The following ADCK1 variants were observed in gnomAD, a reference collection of about 807,000 sequenced individuals.
ADCK1 encodes aarF domain containing kinase 1, also known as aarF domain-containing protein kinase 1.
ADCK1 carries 41 observed loss-of-function variants against 52.3 expected under a neutral mutation model. That is an observed-to-expected ratio of 0.78 (90% CI 0.61 to 1.02). The LOEUF (loss-of-function observed/expected upper bound fraction) is 1.02, where lower values mean the gene tolerates loss of function less well. ADCK1 is among the 50% of genes least tolerant of loss of function. ADCK1 has a pLI of 0.00. For missense variants in ADCK1, 658 were observed against 679.5 expected (o/e 0.97, Z 0.35); for synonymous variants, 250 against 274.6 (o/e 0.91, Z 0.89).
chr14:77,855,538 T>G (rs2082400047), intron 3 of ADCK1, among the ~76,000 whole-genome samples: 1 of 152,240 alleles, frequency 6.6e-6, no homozygotes, highest in Non-Finnish European at 1.5e-5. Flanking sequence ...TCTGTTAATA[T>G]GTTTACAAAC....
chr14:77,900,505 T>G, intron 6 of ADCK1: 2 of 433,240 alleles, frequency 4.6e-6, no homozygotes, highest in Non-Finnish European at 9.2e-6. Context: ...GAGAATCGCT[T>G]GGACCCAGGA....
chr14:77,887,009 C>T (rs2083169418), intron 4 of ADCK1, 82 bp from the exon 5 acceptor site: 3 of 1,450,876 alleles, frequency 2.1e-6, no homozygotes, highest in Admixed American at 4.7e-5. Flanking sequence ...CTAGGCAGCC[C>T]TGACTCTGGC....
intron 7 of ADCK1, among the ~76,000 whole-genome samples, chr14:77,913,989 C>T (rs928787323): frequency 1.3e-5 from 2 of 152,180 alleles, no homozygotes; most frequent in Non-Finnish European, 2.9e-5. Flanking sequence ...CAGTCTCCAT[C>T]TTCTGTCAGG....
At chr14:77,843,548 G>A (rs1006506417) in intron 3 of ADCK1, among the ~76,000 whole-genome samples, 4 of 152,164 alleles carry the variant, frequency 2.6e-5, no homozygotes, top group Non-Finnish European at 5.9e-5. Context: ...CATGTCCTGG[G>A]CTCCTGTGGG....
Position 77,838,732 on chromosome 14 carries a change from AC to A in ADCK1, c.219+16219del, listed in dbSNP as rs1168944173. Among the ~76,000 whole-genome samples the A allele has an allele frequency of 1.7e-4, 26 of 151,470 alleles. 1 individual carries two copies. Among genetic ancestry groups the A allele is most frequent in the Admixed American group, 8.6e-4 (13 of 15,176 alleles). On this transcript the variant is annotated intron_variant, in intron 3 of 10. Transcript: ENST00000238561. The stretch of plus-strand genomic sequence containing the variant: ...TTTTTTGCTTATGGAAAAGATCTTT[AC>A]CCCCTAACCCCCAACATGTTATGGG...
At chr14:77,856,547 G>A (rs1351709707) in intron 3 of ADCK1, among the ~76,000 whole-genome samples, 1 of 149,054 alleles carries the variant, frequency 6.7e-6, no homozygotes, top group Admixed American at 6.9e-5. Flanking sequence ...CCTAGCTTGG[G>A]GACTAGGGCC....
chr14:77,859,041 T>C, intron 3 of ADCK1, 35 bp from the exon 4 acceptor site: 1 of 1,555,798 alleles, frequency 6.4e-7, no homozygotes. Context: ...CAGTCTGCAC[T>C]CACACCTCTC....
chr14:77,914,474 T>C (rs1340216191), intron 7 of ADCK1: 2 of 985,334 alleles, frequency 2.0e-6, no homozygotes, highest in African/African-American at 1.7e-5. Flanking sequence ...TTTCAGCAAA[T>C]GATTTCTCGA....
intron 6 of ADCK1, among the ~76,000 whole-genome samples, chr14:77,901,958 G>A (rs1276246331): frequency 5.9e-5 from 9 of 152,176 alleles, no homozygotes; most frequent in African/African-American, 1.9e-4. Context: ...GGGTCACCAA[G>A]CCCTCAGGAG....
chr14:77,840,408 G>C (rs2082042749), intron 3 of ADCK1, among the ~76,000 whole-genome samples: 1 of 151,582 alleles, frequency 6.6e-6, no homozygotes, highest in Non-Finnish European at 1.5e-5. Flanking sequence ...CATCTTCAAA[G>C]CCTGTGACAT....
At chr14:77,819,247 T>C in intron 2 of ADCK1, 134 bp downstream of exon 2, 8 of 1,231,446 alleles carry the variant, frequency 6.5e-6, no homozygotes, top group Non-Finnish European at 9.1e-6. Context: ...AAAAGCTACA[T>C]CTGCACAGGT....
In ADCK1 at chr14:77,886,907, AACACACACACACAC is replaced by A. The variant is rs59174310; in HGVS notation, c.424-163_424-150del. On this transcript the variant is annotated intron_variant, in intron 4 of 10. Coordinates refer to ENST00000238561, the MANE Select transcript of ADCK1 (RefSeq NM_020421.4). ...GGTCGACAGCGCGGGACTCTGTCTC[AACACACACACACAC>A]ACACACACACACACACACACGCACA... Among the ~76,000 whole-genome samples the A allele has an allele frequency of 1.3e-3, 163 of 123,954 alleles. 2 individuals are homozygous for A. The highest frequency in any genetic ancestry group is 4.0e-3 in the African/African-American group (153 of 37,974). The allele number at this position is 123,954 out of a possible 152,430, so 81.3% of individuals were successfully genotyped here. A position where few individuals can be genotyped will look rare whatever the true frequency, so the allele number is the denominator to read the frequency against.
At chr14:77,924,412 G>C in intron 7 of ADCK1, 45 bp from the exon 8 acceptor site, 2 of 1,607,728 alleles carry the variant, frequency 1.2e-6, no homozygotes, top group Non-Finnish European at 1.7e-6. Flanking sequence ...CCCTCGGATA[G>C]ATGTGAGTGG....
intron 7 of ADCK1, among the ~76,000 whole-genome samples, chr14:77,919,148 G>A (rs1036530518): frequency 2.0e-5 from 3 of 152,094 alleles, no homozygotes; most frequent in Admixed American, 6.6e-5. Context: ...CCATCTCCTC[G>A]GTTCAAGCAA....
At chr14:77,914,386 C>T (rs984432705) in intron 7 of ADCK1, 1 of 985,308 alleles carries the variant, frequency 1.0e-6, no homozygotes. Flanking sequence ...TAGCCAGAAG[C>T]CCTTGCTATG....
intron 1 of ADCK1, among the ~76,000 whole-genome samples, chr14:77,812,264 C>T (rs543445777): frequency 7.9e-5 from 12 of 152,100 alleles, no homozygotes; most frequent in Non-Finnish European, 1.5e-4. Flanking sequence ...AACTTTGTAC[C>T]CTTTGACCAA....
At chr14:77,855,719 G>A (rs1191548865) in intron 3 of ADCK1, among the ~76,000 whole-genome samples, 1 of 152,088 alleles carries the variant, frequency 6.6e-6, no homozygotes, top group Non-Finnish European at 1.5e-5. Flanking sequence ...GTGTGCCATG[G>A]GACCCTGCCA....
chr14:77,882,272 G>A lies in ADCK1; in HGVS notation c.424-4819G>A, dbSNP rs1400651478. 4.6e-5 allele frequency among the ~76,000 whole-genome samples: 7 copies of A among 151,568 alleles called. No individual in the cohort carries two copies. The East Asian group carries it at 7.8e-4, about 17-fold the overall frequency. On this transcript the variant is annotated intron_variant, in intron 4 of 10. Coordinates refer to ENST00000238561, the MANE Select transcript of ADCK1 (RefSeq NM_020421.4). Reference sequence around the variant, plus strand: ...AGCCAGGTGTAGGGGGGGCCAGCTCGAGACTGCAGGAGCCAGATGTTGTTT... The same window carrying A: ...AGCCAGGTGTAGGGGGGGCCAGCTCAAGACTGCAGGAGCCAGATGTTGTTT...
chr14:77,861,801 G>A (rs576463786), intron 4 of ADCK1, among the ~76,000 whole-genome samples: 2 of 152,316 alleles, frequency 1.3e-5, no homozygotes, highest in East Asian at 1.9e-4. Context: ...GGTGGGGCCC[G>A]GCCCTGTGGG....
Sources: allele counts gnomAD v4.1 joint callset (sites outside exome capture counted in the v4.1 genomes callset), GRCh38; gene constraint gnomAD v4.1.1; transcripts MANE v1.5; gene names NCBI Gene and HGNC (gene_info 2026-07-23, HGNC 2026-07-21).